Variants in NOX3 observed in about 807,000 individuals in gnomAD.
NOX3 encodes NADPH oxidase 3.
A neutral mutation model predicts 76.7 loss-of-function variants in NOX3; 74 were observed. That is an observed-to-expected ratio of 0.96 (90% CI 0.80 to 1.17). The LOEUF is 1.17. Among genes scored for constraint, NOX3 ranks in the 50% most tolerant of loss-of-function variants. NOX3 has a pLI of 0.00. For synonymous variants in NOX3, 263 were observed against 261.1 expected (o/e 1.01, Z -0.07); for missense variants, 695 against 703.3 (o/e 0.99, Z 0.13).
chr6:155,406,555 C>G (rs1019914781), intron 12 of NOX3, among the ~76,000 whole-genome samples: 20 of 152,214 alleles, frequency 1.3e-4, no homozygotes, highest in African/African-American at 4.8e-4. Context: ...TTTTAAGCCT[C>G]TTACATGCAT....
intron 12 of NOX3, among the ~76,000 whole-genome samples, chr6:155,400,381 T>TA (rs2114673224): frequency 6.6e-6 from 1 of 151,798 alleles, no homozygotes; most frequent in South Asian, 2.1e-4. Flanking sequence ...TAAACCCTAT[T>TA]TAAAAAAAAG....
Position 155,396,828 on chromosome 6 carries a change from T to C in NOX3, c.*8A>G. On this transcript the variant is annotated 3_prime_UTR_variant, in exon 13 of 14. Coordinates refer to ENST00000159060, the MANE Select transcript of NOX3 (RefSeq NM_015718.3). Reference sequence around the variant, plus strand: ...ACTTACACAATGCCTGGACTTGACCTCCAAAGTCTAGAAGCTCTCCTTGTT... The same window carrying C: ...ACTTACACAATGCCTGGACTTGACCCCCAAAGTCTAGAAGCTCTCCTTGTT... 6.2e-7 allele frequency: 1 copy of C among 1,605,998 alleles called. No individual in the cohort carries two copies. Among genetic ancestry groups the C allele is most frequent in the South Asian group, 1.1e-5 (1 of 89,934 alleles).
chr6:155,429,153 GT>G, intron 8 of NOX3, 106 bp from the exon 9 acceptor site: 1 of 1,155,540 alleles, frequency 8.7e-7, no homozygotes, highest in South Asian at 2.1e-5. Flanking sequence ...TGTTTCAGGT[GT>G]AATTTACATA....
intron 12 of NOX3, among the ~76,000 whole-genome samples, chr6:155,404,934 G>C (rs1776427031): frequency 6.6e-6 from 1 of 152,024 alleles, no homozygotes; most frequent in African/African-American, 2.4e-5. Context: ...CAAATAGCTG[G>C]TCCAGGGAGT....
At chr6:155,409,193 G>C (rs1467311415) in intron 11 of NOX3, among the ~76,000 whole-genome samples, 1 of 152,162 alleles carries the variant, frequency 6.6e-6, no homozygotes, top group East Asian at 1.9e-4. Context: ...TTGGGGTATA[G>C]GACTCCGAGC....
chr6:155,438,715 A>G (rs951511772), intron 6 of NOX3, among the ~76,000 whole-genome samples: 1 of 152,206 alleles, frequency 6.6e-6, no homozygotes, highest in Non-Finnish European at 1.5e-5. Flanking sequence ...GGCAGGTGTG[A>G]CTTCCTAGGC....
At chr6:155,421,755 A>G (rs1776692477) in intron 10 of NOX3, among the ~76,000 whole-genome samples, 1 of 152,102 alleles carries the variant, frequency 6.6e-6, no homozygotes, top group Non-Finnish European at 1.5e-5. Flanking sequence ...TCAATCTCCC[A>G]AAGTGCTGGG....
chr6:155,414,991 G>C (rs1446780570), intron 10 of NOX3, among the ~76,000 whole-genome samples: 5 of 152,084 alleles, frequency 3.3e-5, no homozygotes, highest in African/African-American at 1.2e-4. Flanking sequence ...CTGTCATGGC[G>C]TTGAGGGTTT....
At chr6:155,445,757 A>C (rs776069759) in intron 4 of NOX3, among the ~76,000 whole-genome samples, 1 of 151,634 alleles carries the variant, frequency 6.6e-6, no homozygotes, top group Non-Finnish European at 1.5e-5. Context: ...TTTGACAATT[A>C]TTTGCTTAGT....
chr6:155,411,889 A>T (rs1432793993), intron 10 of NOX3, among the ~76,000 whole-genome samples: 1 of 152,176 alleles, frequency 6.6e-6, no homozygotes, highest in African/African-American at 2.4e-5. Context: ...TCTCAGTGAA[A>T]CATATCGGTG....
chr6:155,396,035 C>G (rs948076501), intron 13 of NOX3, among the ~76,000 whole-genome samples: 2 of 152,090 alleles, frequency 1.3e-5, no homozygotes, highest in Admixed American at 6.5e-5. Flanking sequence ...TTGCTCAATA[C>G]TAGTCACGCT....
chr6:155,423,929 G>T (rs1043112957), intron 9 of NOX3, among the ~76,000 whole-genome samples: 4 of 151,932 alleles, frequency 2.6e-5, no homozygotes, highest in African/African-American at 9.7e-5. Flanking sequence ...TTTTCATAGA[G>T]ACGAGGTTTG....
intron 4 of NOX3, among the ~76,000 whole-genome samples, chr6:155,447,017 T>G (rs904856185): frequency 6.6e-5 from 10 of 152,002 alleles, no homozygotes; most frequent in Middle Eastern, 3.2e-3. Context: ...TATAACTTCT[T>G]TTTTGCAGGA....
At chr6:155,450,858 C>T (rs1164336247) in intron 4 of NOX3, among the ~76,000 whole-genome samples, 5 of 152,122 alleles carry the variant, frequency 3.3e-5, no homozygotes, top group Non-Finnish European at 7.3e-5. Context: ...TCATTGGAGC[C>T]CTTGGTCAGG....
chr6:155,447,192 A>G (rs9480138), intron 4 of NOX3, among the ~76,000 whole-genome samples: 122,310 of 151,920 alleles, frequency 0.81, 49,784 homozygotes, highest in East Asian at 0.99. Context: ...TTACAGGCAC[A>G]CGCCACCATG....
intron 12 of NOX3, among the ~76,000 whole-genome samples, chr6:155,403,837 G>T (rs564032086): frequency 6.6e-6 from 1 of 152,126 alleles, no homozygotes; most frequent in Non-Finnish European, 1.5e-5. Context: ...CCTGGCTCAT[G>T]CCTTTTTGAG....
chr6:155,412,958 C>T (rs974052755), intron 10 of NOX3, among the ~76,000 whole-genome samples: 1 of 152,076 alleles, frequency 6.6e-6, no homozygotes, highest in Admixed American at 6.5e-5. Flanking sequence ...ATGCAGAAAC[C>T]CCAGGCGGGT....
chr6:155,424,207 C>T (rs1776728059), intron 9 of NOX3, among the ~76,000 whole-genome samples: 1 of 152,146 alleles, frequency 6.6e-6, no homozygotes, highest in African/African-American at 2.4e-5. Flanking sequence ...CTATAGTCCT[C>T]ATCACAGCTG....
intron 7 of NOX3, among the ~76,000 whole-genome samples, chr6:155,432,594 C>T (rs1308586200): frequency 6.6e-6 from 1 of 152,076 alleles, no homozygotes; most frequent in East Asian, 1.9e-4. Flanking sequence ...TTGTCTATTG[C>T]TTTTTGTTGA....
Sources: allele counts gnomAD v4.1 joint callset (sites outside exome capture counted in the v4.1 genomes callset), GRCh38; gene constraint gnomAD v4.1.1; transcripts MANE v1.5; gene names NCBI Gene and HGNC (gene_info 2026-07-23, HGNC 2026-07-21).